The following SLC12A2 variants were observed in gnomAD, a reference collection of about 807,000 sequenced individuals.
The protein encoded by SLC12A2 is Na-K-2Cl cotransporter 1.
In SLC12A2, 67 loss-of-function variants were observed where a neutral mutation model predicts 136.3. The observed-to-expected ratio is 0.49, with a 90% CI of 0.40 to 0.60. The LOEUF (loss-of-function observed/expected upper bound fraction) is 0.60, where lower values mean the gene tolerates loss of function less well. Ranked by LOEUF, SLC12A2 falls within the 20% of genes least tolerant of loss-of-function variation. The pLI is 0.00. For missense variants in SLC12A2, 1,322 were observed against 1,534.7 expected (o/e 0.86, Z 2.32); for synonymous variants, 619 against 562.9 (o/e 1.10, Z -1.41).
chr5:128,162,392 G>GA (rs965659532), intron 17 of SLC12A2, among the ~76,000 whole-genome samples: 10 of 151,368 alleles, frequency 6.6e-5, no homozygotes, highest in African/African-American at 2.4e-4. Flanking sequence ...TTATTAACAT[G>GA]AAAAAAAATA....
chr5:128,170,109 A>G (rs1417772994), intron 18 of SLC12A2: 2 of 152,168 alleles, frequency 1.3e-5, no homozygotes, highest in Non-Finnish European at 2.9e-5. Context: ...TTGTGTTTTT[A>G]TTAATAGTAT....
chr5:128,149,012 G>A (rs147915835), intron 12 of SLC12A2, 135 bp downstream of exon 12: 16 of 740,756 alleles, frequency 2.2e-5, no homozygotes, highest in African/African-American at 2.0e-4. Flanking sequence ...ATAAAGTACT[G>A]TAAGTAATAG....
intron 21 of SLC12A2, among the ~76,000 whole-genome samples, chr5:128,177,916 G>C (rs1763584042): frequency 6.6e-6 from 1 of 152,146 alleles, no homozygotes; most frequent in Non-Finnish European, 1.5e-5. Flanking sequence ...TGCAGCAGAT[G>C]GGTGCCCTTT....
chr5:128,176,544 A>G (rs1008246465), intron 20 of SLC12A2, among the ~76,000 whole-genome samples: 2 of 152,060 alleles, frequency 1.3e-5, no homozygotes, highest in African/African-American at 4.8e-5. Flanking sequence ...ACATACATAT[A>G]TAAATTTATA....
At chr5:128,086,423 A>G (rs1032363755) in intron 1 of SLC12A2, among the ~76,000 whole-genome samples, 6 of 152,176 alleles carry the variant, frequency 3.9e-5, no homozygotes, top group Admixed American at 6.5e-5. Flanking sequence ...TTTCAGGGTT[A>G]TCATGAAGAT....
At chr5:128,151,959 G>A (rs1175038692) in intron 14 of SLC12A2, among the ~76,000 whole-genome samples, 1 of 152,074 alleles carries the variant, frequency 6.6e-6, no homozygotes, top group Non-Finnish European at 1.5e-5. Context: ...ACAGCTAAAC[G>A]TATCTCCAGG....
chr5:128,185,895 T>C (rs535700283), intron 26 of SLC12A2, among the ~76,000 whole-genome samples: 1 of 152,100 alleles, frequency 6.6e-6, no homozygotes, highest in Non-Finnish European at 1.5e-5. Context: ...GCATATATGA[T>C]GGTGGTACCA....
intron 4 of SLC12A2, among the ~76,000 whole-genome samples, chr5:128,120,701 G>T (rs1761532865): frequency 6.6e-6 from 1 of 151,836 alleles, no homozygotes; most frequent in Non-Finnish European, 1.5e-5. Context: ...ACACTCTGGG[G>T]ACTGTTGTGG....
At chr5:128,118,917 G>T (rs937074053) in intron 4 of SLC12A2, among the ~76,000 whole-genome samples, 1 of 152,120 alleles carries the variant, frequency 6.6e-6, no homozygotes, top group Admixed American at 6.5e-5. Context: ...ATTCCAGACT[G>T]GGAATCTCTA....
chr5:128,105,041 T>C (rs1358330156), intron 1 of SLC12A2, among the ~76,000 whole-genome samples: 1 of 152,218 alleles, frequency 6.6e-6, no homozygotes, highest in Non-Finnish European at 1.5e-5. Context: ...AATGGTTAAG[T>C]GTTTTCACTG....
At chr5:128,128,802 C>CT (rs1443875253) in intron 4 of SLC12A2, among the ~76,000 whole-genome samples, 1 of 136,078 alleles carries the variant, frequency 7.3e-6, no homozygotes, top group Non-Finnish European at 1.5e-5. Flanking sequence ...AGTGGTAGAT[C>CT]TTTAAAAAAA....
Position 128,083,958 on chromosome 5 carries a change from G to C in SLC12A2, c.4G>C (p.Glu2Gln). 4.0e-6 allele frequency: 5 copies of C among 1,236,166 alleles called. No individual in the cohort carries two copies. In the South Asian group the frequency reaches 1.7e-4, roughly 41 times the overall value. 76.6% of individuals were successfully genotyped at this position (1,236,166 alleles called of 1,614,324 possible). ...TTCCGCCGGGGGTCGGGCAGCTATG[G>C]AGCCGCGGCCCACGGCGCCCTCCTC... M[E>Q]PRPTAPSSGA... Residue 2 changes from glutamate to glutamine, a missense_variant, in exon 1 of 27, where the codon GAG becomes CAG. This residue lies in a region of SLC12A2 where 358 missense variants were observed against 299.7 expected (regional missense o/e 1.19). Coordinates refer to ENST00000262461, the MANE Select transcript of SLC12A2 (RefSeq NM_001046.3).
Position 128,084,885 on chromosome 5 carries a change from C to A in SLC12A2, c.756+175C>A, listed in dbSNP as rs967407919. Among the ~76,000 whole-genome samples, 14 of 151,502 alleles carry A rather than the reference C, an allele frequency of 9.2e-5. No homozygotes were observed. Among genetic ancestry groups the A allele is most frequent in the Non-Finnish European group, 2.9e-5 (2 of 67,926 alleles). On this transcript the variant is annotated intron_variant, in intron 1 of 26. Transcript: ENST00000262461. This position sits in a 1 kb window ranked among gnomAD's most constrained non-coding sequence, Gnocchi z 5.6. ...TTGCCGAGGAATGTTAACTTAATCT[C>A]TCAAAAGTTTGTAGCGGGTTTGGCT...
chr5:128,180,927 T>C lies in SLC12A2; in HGVS notation c.3145T>C (p.Trp1049Arg). 6.2e-7 allele frequency: 1 copy of C among 1,612,556 alleles called. No homozygotes were observed. The highest frequency in any genetic ancestry group is 8.5e-7 in the Non-Finnish European group (1 of 1,178,796). The change falls in exon 23 of 27, where the codon TGG (tryptophan) becomes CGG (arginine). Residue 1049 changes from tryptophan to arginine, a missense_variant. Physicochemically the swap from Trp to Arg is moderately radical, Grantham distance 101. Transcript: ENST00000262461. ...IPYLLTTKKK[W>R]KDCKIRVFIG... ...TTACCTTCTGACGACCAAGAAAAAA[T>C]GGAAAGACTGTAAGATCAGAGTATT...
chr5:128,103,149 T>G (rs920897039), intron 1 of SLC12A2, among the ~76,000 whole-genome samples: 1 of 152,214 alleles, frequency 6.6e-6, no homozygotes, highest in African/African-American at 2.4e-5. Flanking sequence ...TTTTTCAACT[T>G]GAAAATAATG....
chr5:128,167,833 A>G lies in SLC12A2; in HGVS notation c.2689A>G (p.Met897Val). 1 of 1,606,082 alleles carries G rather than the reference A, an allele frequency of 6.2e-7. No homozygotes were observed. Among genetic ancestry groups the G allele is most frequent in the South Asian group, 1.1e-5 (1 of 89,986 alleles). Residue 897 changes from methionine to valine, a missense_variant, in exon 18 of 27, where the codon ATG becomes GTG. Coordinates refer to ENST00000262461, the MANE Select transcript of SLC12A2 (RefSeq NM_001046.3). ...TAAGAAAGATTGGTTGCAAGCAGAT[A>G]TGAGGGATGTGGATATGTATATAAA... Reference protein sequence around the residue: ...GFKKDWLQADMRDVDMYINLF... With the variant: ...GFKKDWLQADVRDVDMYINLF...
At chr5:128,124,285 G>A (rs1319879349) in intron 4 of SLC12A2, among the ~76,000 whole-genome samples, 4 of 152,060 alleles carry the variant, frequency 2.6e-5, no homozygotes, top group Non-Finnish European at 5.9e-5. Flanking sequence ...ACACTAATTG[G>A]GTATCCAACA....
intron 7 of SLC12A2, among the ~76,000 whole-genome samples, chr5:128,138,233 C>T (rs1762247852): frequency 6.6e-6 from 1 of 152,172 alleles, no homozygotes; most frequent in African/African-American, 2.4e-5. Flanking sequence ...GGCACCACGC[C>T]ATGCCCCCTT....
At chr5:128,086,572 G>A (rs143797408) in intron 1 of SLC12A2, among the ~76,000 whole-genome samples, 27 of 152,244 alleles carry the variant, frequency 1.8e-4, no homozygotes, top group Middle Eastern at 3.4e-3. Flanking sequence ...GTTATTAGGT[G>A]AATGTAGTAT....
Sources: gnomAD v4.1 joint callset for allele counts (sites outside exome capture counted in the v4.1 genomes callset) on GRCh38, gnomAD v4.1.1 for gene constraint, gnomAD v4.1.1 regional missense constraint, Gnocchi (gnomAD v3.1) non-coding constraint, MANE v1.5 for transcripts, NCBI Gene and HGNC (gene_info 2026-07-23, HGNC 2026-07-21) for gene names.